PDE4D: variants seen among roughly 807,000 people sequenced by gnomAD.
PDE4D encodes the protein phosphodiesterase 4D.
Under a neutral mutation model 87.4 loss-of-function variants are expected in PDE4D, and 24 were observed. The ratio of observed to expected loss-of-function variants is 0.27; its 90% CI spans 0.20 to 0.39. The LOEUF (loss-of-function observed/expected upper bound fraction) is 0.39, where lower values mean the gene tolerates loss of function less well. Ranked by LOEUF, PDE4D falls within the 10% of genes least tolerant of loss-of-function variation. PDE4D has a pLI of 1.00. For synonymous variants in PDE4D, 384 were observed against 383.2 expected (o/e 1.00, Z -0.02); for missense variants, 714 against 1,041.0 (o/e 0.69, Z 4.32).
In PDE4D at chr5:60,020,091, T is replaced by C. The variant is rs138387944; in HGVS notation, c.43-31374A>G. ...AACTGGCCTAATTTTAATATTGTTG[T>C]GTCTCAGAGAATAGGGAGGTTTGAG... On this transcript the variant is annotated intron_variant, in intron 2 of 16. Coordinates refer to the PDE4D transcript ENST00000502484. 1.3e-3 allele frequency among the ~76,000 whole-genome samples: 193 copies of C among 152,308 alleles called. 1 individual carries two copies. Among genetic ancestry groups the C allele is most frequent in the African/African-American group, 4.5e-3 (188 of 41,576 alleles).
At chr5:59,234,324 C>A (rs1321029288) in intron 1 of PDE4D, among the ~76,000 whole-genome samples, 1 of 151,892 alleles carries the variant, frequency 6.6e-6, no homozygotes, top group Non-Finnish European at 1.5e-5. Flanking sequence ...AATCTTGGCT[C>A]CCATTTTATT....
intron 1 of PDE4D, among the ~76,000 whole-genome samples, chr5:60,380,130 C>A (rs900498357): frequency 6.6e-6 from 1 of 152,100 alleles, no homozygotes; most frequent in Non-Finnish European, 1.5e-5. Context: ...AATGAGCTTA[C>A]GTGACTAATC....
At chr5:59,851,381 C>G (rs1279970001) in intron 1 of PDE4D, among the ~76,000 whole-genome samples, 1 of 151,986 alleles carries the variant, frequency 6.6e-6, no homozygotes, top group Non-Finnish European at 1.5e-5. Context: ...TTTTAAGCCA[C>G]TAAGTTTTGG....
At chr5:60,357,747 A>G (rs1283117200) in intron 1 of PDE4D, among the ~76,000 whole-genome samples, 1 of 152,222 alleles carries the variant, frequency 6.6e-6, no homozygotes, top group Non-Finnish European at 1.5e-5. Flanking sequence ...CATAGTGCAT[A>G]TAGAAATATT....
At chr5:60,190,838 A>T (rs1034802734) in intron 1 of PDE4D, among the ~76,000 whole-genome samples, 1 of 152,220 alleles carries the variant, frequency 6.6e-6, no homozygotes, top group Admixed American at 6.5e-5. Context: ...TTATATAATC[A>T]GGTTGTAGCT....
At chr5:59,384,461 T>C (rs1008527864) in intron 1 of PDE4D, among the ~76,000 whole-genome samples, 5 of 152,126 alleles carry the variant, frequency 3.3e-5, no homozygotes, top group African/African-American at 1.2e-4. Flanking sequence ...GGTAACTCTG[T>C]CAGTTTCTGT....
Position 59,844,670 on chromosome 5 carries a change from G to T in PDE4D, c.455+48498C>A, listed in dbSNP as rs545476791. On this transcript the variant is annotated intron_variant, in intron 1 of 14. Transcript: ENST00000340635. ...GGCACAATTTTAAGATGGCCCCCAA[G>T]ATTCTATCCTCTACATGCATGTCCT... 1.2e-4 allele frequency among the ~76,000 whole-genome samples: 18 copies of T among 152,110 alleles called. No individual in the cohort carries two copies. In the South Asian group the frequency reaches 3.7e-3, roughly 32 times the overall value.
chr5:60,322,214 C>T (rs1350260079), intron 1 of PDE4D, among the ~76,000 whole-genome samples: 3 of 152,074 alleles, frequency 2.0e-5, no homozygotes, highest in African/African-American at 7.2e-5. Flanking sequence ...CCATGGAATA[C>T]TATGCAGCCA....
intron 1 of PDE4D, among the ~76,000 whole-genome samples, chr5:59,697,891 G>A (rs898642392): frequency 6.6e-6 from 1 of 152,156 alleles, no homozygotes; most frequent in African/African-American, 2.4e-5. Context: ...CCTACTTGAT[G>A]TAACAAACTT....
At chr5:60,076,961 CTG>C (rs1208065386) in intron 2 of PDE4D, among the ~76,000 whole-genome samples, 1 of 152,180 alleles carries the variant, frequency 6.6e-6, no homozygotes, top group Non-Finnish European at 1.5e-5. Flanking sequence ...CCACCAGTGA[CTG>C]TGTGTGCATT....
intron 1 of PDE4D, among the ~76,000 whole-genome samples, chr5:59,522,953 T>C (rs1331363926): frequency 6.6e-6 from 1 of 152,238 alleles, no homozygotes; most frequent in African/African-American, 2.4e-5. Context: ...ATTGTTAATA[T>C]GAATATTTAT....
chr5:59,321,895 C>A (rs1168892410), intron 1 of PDE4D, among the ~76,000 whole-genome samples: 3 of 152,086 alleles, frequency 2.0e-5, no homozygotes, highest in Admixed American at 1.3e-4. Flanking sequence ...AAGGTCTGCT[C>A]AAGTACTAGG....
chr5:59,455,751 T>A (rs928452853), intron 1 of PDE4D, among the ~76,000 whole-genome samples: 1 of 152,212 alleles, frequency 6.6e-6, no homozygotes, highest in East Asian at 1.9e-4. Flanking sequence ...GGCTGCACCC[T>A]GCAGAGCCAC....
At chr5:59,759,941 A>G (rs567270141) in intron 1 of PDE4D, among the ~76,000 whole-genome samples, 1 of 152,338 alleles carries the variant, frequency 6.6e-6, no homozygotes, top group South Asian at 2.1e-4. Context: ...GGGCAGAAGT[A>G]AGAGAGATGG....
intron 11 of PDE4D, among the ~76,000 whole-genome samples, 190 bp from the exon 12 acceptor site, chr5:58,977,535 G>A (rs1476407572): frequency 6.6e-6 from 1 of 152,106 alleles, no homozygotes; most frequent in Admixed American, 6.6e-5. Flanking sequence ...TGAATCTTGG[G>A]GAGTGAATTC....
chr5:59,510,634 T>C (rs900725184), intron 1 of PDE4D, among the ~76,000 whole-genome samples: 15 of 151,476 alleles, frequency 9.9e-5, no homozygotes, highest in Non-Finnish European at 1.2e-4. Flanking sequence ...AGATAAAAAA[T>C]AGTAAAAATT....
chr5:59,488,676 C>T (rs1351114630), intron 1 of PDE4D, among the ~76,000 whole-genome samples: 4 of 144,864 alleles, frequency 2.8e-5, no homozygotes, highest in Admixed American at 6.9e-5. Flanking sequence ...AGATAATCTT[C>T]TTTTTTTTTT....
chr5:59,659,166 G>T (rs297975), intron 1 of PDE4D, among the ~76,000 whole-genome samples: 105,076 of 152,138 alleles, frequency 0.69, 36,520 homozygotes, highest in East Asian at 0.83. Flanking sequence ...TTGCAGATTT[G>T]CAACAAATGC....
At chr5:59,465,845 C>G (rs1008422001) in intron 1 of PDE4D, among the ~76,000 whole-genome samples, 1 of 152,202 alleles carries the variant, frequency 6.6e-6, no homozygotes, top group African/African-American at 2.4e-5. Context: ...ATATCAGCAA[C>G]TGCCCAAAGT....
Sources: gnomAD v4.1 joint callset for allele counts (sites outside exome capture counted in the v4.1 genomes callset) on GRCh38, gnomAD v4.1.1 for gene constraint, MANE v1.5 for transcripts, NCBI Gene and HGNC (gene_info 2026-07-23, HGNC 2026-07-21) for gene names.